Variants in AGPS observed in about 807,000 individuals in gnomAD.
The protein encoded by AGPS is alkylglycerone phosphate synthase.
A neutral mutation model predicts 90.7 loss-of-function variants in AGPS; 26 were observed. That is an observed-to-expected ratio of 0.29 (90% CI 0.21 to 0.40). The LOEUF is 0.40. Among genes scored for constraint, AGPS ranks in the 10% least tolerant of loss-of-function variants. The probability of loss-of-function intolerance (pLI) is 1.00; values close to 1 mark genes in which losing one functional copy is unlikely to be tolerated. For synonymous variants in AGPS, 294 were observed against 285.3 expected (o/e 1.03, Z -0.31); for missense variants, 540 against 816.1 (o/e 0.66, Z 4.12).
At chr2:177,514,993 G>T (rs549676090) in intron 17 of AGPS, among the ~76,000 whole-genome samples, 2 of 151,064 alleles carry the variant, frequency 1.3e-5, no homozygotes, top group Admixed American at 1.3e-4. Flanking sequence ...TAGGATCAGA[G>T]ATTATAAAAG....
intron 10 of AGPS, among the ~76,000 whole-genome samples, chr2:177,479,484 C>T (rs1009253215): frequency 6.6e-6 from 1 of 152,094 alleles, no homozygotes; most frequent in Non-Finnish European, 1.5e-5. Context: ...ATGTTAATTG[C>T]AGCATTATTA....
At chr2:177,442,682 A>G (rs888226156) in intron 7 of AGPS, among the ~76,000 whole-genome samples, 196 bp downstream of exon 7, 1 of 152,008 alleles carries the variant, frequency 6.6e-6, no homozygotes, top group Non-Finnish European at 1.5e-5. Flanking sequence ...CCTCATCTCT[A>G]CTAAAAATAC....
intron 19 of AGPS, among the ~76,000 whole-genome samples, 187 bp from the exon 20 acceptor site, chr2:177,537,887 C>G (rs115623388): frequency 0.013 from 2,053 of 152,134 alleles, 30 homozygotes; most frequent in South Asian, 0.055. Flanking sequence ...ACAGACTTCC[C>G]CTGGGAATAC....
At chr2:177,413,931 T>C (rs537890229) in intron 1 of AGPS, among the ~76,000 whole-genome samples, 1 of 152,264 alleles carries the variant, frequency 6.6e-6, no homozygotes, top group Non-Finnish European at 1.5e-5. Flanking sequence ...TAGATTATGG[T>C]GTAGTGTGTG....
At chr2:177,527,236 T>A (rs2079097312) in intron 19 of AGPS, among the ~76,000 whole-genome samples, 1 of 152,106 alleles carries the variant, frequency 6.6e-6, no homozygotes, top group Non-Finnish European at 1.5e-5. Flanking sequence ...GAGACCAGTC[T>A]GGGCAACATG....
chr2:177,513,789 T>C, intron 16 of AGPS, 30 bp from the exon 17 acceptor site: 1 of 1,537,838 alleles, frequency 6.5e-7, no homozygotes, highest in Non-Finnish European at 9.0e-7. Flanking sequence ...ACTTGAAAAC[T>C]TAATATTGTA....
intron 1 of AGPS, among the ~76,000 whole-genome samples, chr2:177,409,344 A>G (rs1024396691): frequency 6.6e-6 from 1 of 151,970 alleles, no homozygotes; most frequent in Non-Finnish European, 1.5e-5. Flanking sequence ...TTATATCCCA[A>G]TCATTGTCCC....
At chr2:177,455,713 A>T (rs1240361814) in intron 8 of AGPS, among the ~76,000 whole-genome samples, 1 of 150,038 alleles carries the variant, frequency 6.7e-6, no homozygotes, top group Non-Finnish European at 1.5e-5. Context: ...TTTTCATCAC[A>T]CTTCTAATTA....
At chr2:177,484,238 G>A (rs1176911492) in intron 11 of AGPS, among the ~76,000 whole-genome samples, 1 of 151,990 alleles carries the variant, frequency 6.6e-6, no homozygotes, top group East Asian at 1.9e-4. Flanking sequence ...AAGTTTTACT[G>A]ATTTGTGTAA....
rs1315380291 is a variant in AGPS, at chr2:177,483,394, T to C, written c.1233+1208T>C. ...TTCCCACTTTCATGAAGTACAGCTATATGACCACCTAATTCACCAGCTGAT... is the reference window on the plus strand; with the variant it reads ...TTCCCACTTTCATGAAGTACAGCTACATGACCACCTAATTCACCAGCTGAT... On this transcript the variant is annotated intron_variant, in intron 11 of 19. Coordinates refer to ENST00000264167, the MANE Select transcript of AGPS (RefSeq NM_003659.4). 2.0e-5 allele frequency among the ~76,000 whole-genome samples: 3 copies of C among 152,326 alleles called. No homozygotes were observed. The East Asian group carries it at 5.8e-4, about 29-fold the overall frequency.
chr2:177,433,435 C>T (rs1443693064), intron 2 of AGPS, among the ~76,000 whole-genome samples: 1 of 152,000 alleles, frequency 6.6e-6, no homozygotes, highest in African/African-American at 2.4e-5. Flanking sequence ...TAATATTCAC[C>T]AGGAGTACAT....
At chr2:177,479,884 A>T (rs189872280) in intron 10 of AGPS, among the ~76,000 whole-genome samples, 9 of 152,332 alleles carry the variant, frequency 5.9e-5, no homozygotes, top group Admixed American at 1.3e-4. Flanking sequence ...TATAACGCAA[A>T]ACATTGTATT....
intron 8 of AGPS, among the ~76,000 whole-genome samples, chr2:177,447,866 G>A (rs550961197): frequency 1.3e-5 from 2 of 152,084 alleles, no homozygotes; most frequent in South Asian, 4.2e-4. Context: ...AAAACATCCT[G>A]GCTTTTCTTT....
intron 1 of AGPS, among the ~76,000 whole-genome samples, chr2:177,404,996 T>G (rs16865210): frequency 0.042 from 6,427 of 152,264 alleles, 454 homozygotes; most frequent in African/African-American, 0.15. Flanking sequence ...GGAAATTTAT[T>G]CTAAGAGTAC....
chr2:177,524,845 T>C (rs1375012434), intron 19 of AGPS, among the ~76,000 whole-genome samples: 1 of 152,178 alleles, frequency 6.6e-6, no homozygotes, highest in Non-Finnish European at 1.5e-5. Context: ...GAAAGAATTC[T>C]GTTGGAAAAG....
chr2:177,461,897 A>C lies in AGPS; in HGVS notation c.875A>C (p.Lys292Thr). 2 of 1,610,842 alleles carry C rather than the reference A, an allele frequency of 1.2e-6. No individual in the cohort carries two copies. Among genetic ancestry groups the C allele is most frequent in the Non-Finnish European group, 1.7e-6 (2 of 1,177,936 alleles). The change falls in exon 9 of 20, where the codon AAA becomes ACA. Residue 292 changes from lysine (K) to threonine (T), a missense_variant. By Grantham distance (78) the Lys-to-Thr change is moderately conservative. Transcript: ENST00000264167. ...TGTTAAATTTTTGTTTTTCAGCTTA[A>C]AGAAAGTGGTTATTGTACAGGTCAT... ...ITGQELERQL[K>T]ESGYCTGHEP...
chr2:177,503,700 G>A (rs1374035629), intron 14 of AGPS, among the ~76,000 whole-genome samples: 2 of 152,088 alleles, frequency 1.3e-5, no homozygotes, highest in Admixed American at 6.6e-5. Context: ...GGTAATTCTG[G>A]CTAGAATATT....
chr2:177,493,353 G>T (rs1688322284), intron 12 of AGPS, among the ~76,000 whole-genome samples, 154 bp downstream of exon 12: 1 of 152,176 alleles, frequency 6.6e-6, no homozygotes, highest in Admixed American at 6.5e-5. Flanking sequence ...ACATAAATGA[G>T]TGAGGGTAGC....
Position 177,464,298 on chromosome 2 carries a change from G to A in AGPS, c.996+2280G>A, listed in dbSNP as rs537578174. 3.3e-5 allele frequency among the ~76,000 whole-genome samples: 5 copies of A among 152,192 alleles called. No individual in the cohort carries two copies. In the South Asian group the frequency reaches 1.0e-3, roughly 32 times the overall value. ...TCTGCAATATATAGTATCCTCTGAA[G>A]CTGTCTTAATTTATATTGTTTGCTT... On this transcript the variant is annotated intron_variant, in intron 9 of 19. Coordinates refer to ENST00000264167, the MANE Select transcript of AGPS (RefSeq NM_003659.4).
Sources: gnomAD v4.1 joint callset for allele counts (sites outside exome capture counted in the v4.1 genomes callset) on GRCh38, gnomAD v4.1.1 for gene constraint, MANE v1.5 for transcripts, NCBI Gene and HGNC (gene_info 2026-07-23, HGNC 2026-07-21) for gene names.